Variants in CSMD1 observed in about 807,000 individuals in gnomAD.
The protein encoded by CSMD1 is CUB and sushi domain-containing protein 1.
A neutral mutation model predicts 417.5 loss-of-function variants in CSMD1; 213 were observed. The observed-to-expected ratio is 0.51, with a 90% CI of 0.46 to 0.57. The LOEUF is 0.57. Among genes scored for constraint, CSMD1 ranks in the 20% least tolerant of loss-of-function variants. The pLI is 0.00. For missense variants in CSMD1, 6,923 were observed against 4,529.7 expected (o/e 1.53, Z -15.17); for synonymous variants, 2,862 against 1,736.8 (o/e 1.65, Z -16.11).
chr8:3,461,835 G>C (rs1816525970), intron 12 of CSMD1, among the ~76,000 whole-genome samples: 1 of 152,210 alleles, frequency 6.6e-6, no homozygotes, highest in Non-Finnish European at 1.5e-5. Flanking sequence ...CCACACCTGA[G>C]CAGTGCACTG....
chr8:4,988,688 G>A lies in CSMD1; in HGVS notation c.85+5644C>T, dbSNP rs905447927. 2.0e-5 allele frequency among the ~76,000 whole-genome samples: 3 copies of A among 152,158 alleles called. No individual in the cohort carries two copies. In the East Asian group the frequency reaches 5.8e-4, roughly 29 times the overall value. On this transcript the variant is annotated intron_variant, in intron 1 of 69. Coordinates refer to ENST00000635120, the MANE Select transcript of CSMD1 (RefSeq NM_033225.6). ...ATATTTGAAGATAAATAAACATTCT[G>A]CAACTTCCCTAAAGCACTGATGGCA...
intron 46 of CSMD1, among the ~76,000 whole-genome samples, chr8:3,103,794 A>G (rs995343893): frequency 6.6e-6 from 1 of 151,300 alleles, no homozygotes; most frequent in Admixed American, 6.6e-5. Context: ...CCCAGGCTGG[A>G]GTGCAATGGC....
chr8:4,658,340 T>C (rs1804372322), intron 1 of CSMD1, among the ~76,000 whole-genome samples: 1 of 152,096 alleles, frequency 6.6e-6, no homozygotes, highest in African/African-American at 2.4e-5. Flanking sequence ...GATTGAATTT[T>C]AAAGATGGCA....
At chr8:4,894,118 A>G (rs1804316308) in intron 1 of CSMD1, among the ~76,000 whole-genome samples, 1 of 152,066 alleles carries the variant, frequency 6.6e-6, no homozygotes, top group Admixed American at 6.5e-5. Context: ...TGCGCACTGT[A>G]TCCCATACAT....
chr8:3,548,498 T>C (rs1264028012), intron 10 of CSMD1, among the ~76,000 whole-genome samples: 1 of 151,916 alleles, frequency 6.6e-6, no homozygotes, highest in Admixed American at 6.6e-5. Flanking sequence ...CTCTTATGCC[T>C]TTCCATCCTC....
chr8:3,582,680 C>T (rs954613936), intron 9 of CSMD1, among the ~76,000 whole-genome samples: 10 of 151,988 alleles, frequency 6.6e-5, no homozygotes, highest in Admixed American at 2.6e-4. Context: ...CACTGGATTT[C>T]CAAAACAAAG....
At chr8:4,131,569 A>G (rs1270717319) in intron 3 of CSMD1, among the ~76,000 whole-genome samples, 2 of 152,308 alleles carry the variant, frequency 1.3e-5, no homozygotes, top group Non-Finnish European at 2.9e-5. Context: ...TTTTTCTCAT[A>G]TATTGATAAA....
At chr8:3,964,160 T>A (rs1354507788) in intron 5 of CSMD1, among the ~76,000 whole-genome samples, 1 of 152,192 alleles carries the variant, frequency 6.6e-6, no homozygotes, top group African/African-American at 2.4e-5. Context: ...TGAAGACCAA[T>A]TTTCATCTTA....
chr8:3,533,841 G>A (rs1286320181), intron 10 of CSMD1, among the ~76,000 whole-genome samples: 1 of 152,180 alleles, frequency 6.6e-6, no homozygotes, highest in Non-Finnish European at 1.5e-5. Flanking sequence ...TAGCTGTACA[G>A]TTAGAGATCT....
intron 11 of CSMD1, among the ~76,000 whole-genome samples, chr8:3,489,249 C>G (rs937452129): frequency 3.5e-4 from 54 of 152,274 alleles, no homozygotes; most frequent in African/African-American, 1.3e-3. Context: ...TAATCCAGCC[C>G]TAAGAAAGAA....
At chr8:3,482,543 G>C (rs535714572) in intron 11 of CSMD1, among the ~76,000 whole-genome samples, 2 of 152,206 alleles carry the variant, frequency 1.3e-5, no homozygotes, top group African/African-American at 2.4e-5. Context: ...AAAGCTAAGA[G>C]AAAAATAGCA....
rs4875116 is a variant in CSMD1 at position 4,761,910 on chromosome 8, T to C, written c.86-124352A>G. Among the ~76,000 whole-genome samples, 443 of 66,240 alleles carry C rather than the reference T, an allele frequency of 6.7e-3. 2 individuals carry two copies. The highest frequency in any genetic ancestry group is 0.019 in the Admixed American group (94 of 5,010). 43.5% of individuals were successfully genotyped at this position (66,240 alleles called of 152,430 possible). ...ATCTACCTACCTATCTATCTATCTA[T>C]CAATCTATCTATCTATCTATCTATC... On this transcript the variant is annotated intron_variant, in intron 1 of 69. Coordinates refer to ENST00000635120, the MANE Select transcript of CSMD1 (RefSeq NM_033225.6).
chr8:3,755,919 T>G (rs1797630775), intron 5 of CSMD1, among the ~76,000 whole-genome samples: 1 of 152,092 alleles, frequency 6.6e-6, no homozygotes, highest in Non-Finnish European at 1.5e-5. Flanking sequence ...TAATCACCTT[T>G]TTTTATTTTT....
At chr8:3,447,321 T>G (rs1202688126) in intron 12 of CSMD1, among the ~76,000 whole-genome samples, 1 of 146,326 alleles carries the variant, frequency 6.8e-6, no homozygotes, top group Non-Finnish European at 1.5e-5. Context: ...TAATTCAGTT[T>G]AGCAGTGGAG....
chr8:3,131,525 G>A (rs1817793190), intron 41 of CSMD1, among the ~76,000 whole-genome samples: 1 of 145,788 alleles, frequency 6.9e-6, no homozygotes, highest in South Asian at 2.2e-4. Context: ...AGGCTAAAGT[G>A]CAGTGGCGTG....
intron 2 of CSMD1, among the ~76,000 whole-genome samples, chr8:4,559,573 T>C (rs1362628266): frequency 6.6e-6 from 1 of 152,254 alleles, no homozygotes; most frequent in East Asian, 1.9e-4. Flanking sequence ...AAGTCATCCA[T>C]AGGAACTTAC....
intron 26 of CSMD1, among the ~76,000 whole-genome samples, chr8:3,259,896 A>T (rs535151755): frequency 6.6e-6 from 1 of 152,194 alleles, no homozygotes; most frequent in Admixed American, 6.5e-5. Context: ...ATGAAATTCA[A>T]ACACATCTCT....
intron 5 of CSMD1, among the ~76,000 whole-genome samples, chr8:3,773,215 T>G (rs1161342235): frequency 6.6e-6 from 1 of 152,214 alleles, no homozygotes; most frequent in African/African-American, 2.4e-5. Flanking sequence ...TGTACTCACA[T>G]AATCTGTCAC....
At chr8:4,411,589 C>T (rs554056060) in intron 3 of CSMD1, among the ~76,000 whole-genome samples, 55 of 152,202 alleles carry the variant, frequency 3.6e-4, no homozygotes, top group African/African-American at 1.3e-3. Context: ...AGCTAAATAA[C>T]AGTTATACGG....
Sources: allele counts gnomAD v4.1 joint callset (sites outside exome capture counted in the v4.1 genomes callset), GRCh38; gene constraint gnomAD v4.1.1; transcripts MANE v1.5; gene names NCBI Gene and HGNC (gene_info 2026-07-23, HGNC 2026-07-21).